Variants in FGF14 observed in about 807,000 individuals in gnomAD.
FGF14 encodes the protein fibroblast growth factor 14.
A neutral mutation model predicts 25.5 loss-of-function variants in FGF14; 5 were observed. The ratio of observed to expected loss-of-function variants is 0.20; its 90% CI spans 0.10 to 0.41. The LOEUF is 0.41. Among genes scored for constraint, FGF14 ranks in the 10% least tolerant of loss-of-function variants. The pLI, the probability that FGF14 is intolerant of heterozygous loss-of-function variation, is 1.00. For synonymous variants in FGF14, 138 were observed against 118.3 expected, an observed-to-expected ratio of 1.17 and a Z score of -1.08; for missense variants, 222 against 320.1, an observed-to-expected ratio of 0.69 and a Z score of 2.34.
rs534055297 is a variant in FGF14, at chr13:102,159,997, T to G, written c.208+241474A>C. Among the ~76,000 whole-genome samples, 22 of 152,266 alleles carry G rather than the reference T, an allele frequency of 1.4e-4. No homozygotes were observed. The South Asian group carries it at 4.6e-3, about 32-fold the overall frequency. On this transcript the variant is annotated intron_variant, in intron 1 of 4. Transcript: ENST00000376131. ...GGGTAGAATATTTCATTGTGAAAAC[T>G]TAGTATAGGTCCATTTACAGCTTCA...
At chr13:101,992,867 G>A (rs2038980353) in intron 1 of FGF14, among the ~76,000 whole-genome samples, 1 of 151,810 alleles carries the variant, frequency 6.6e-6, no homozygotes, top group Non-Finnish European at 1.5e-5. Flanking sequence ...ACACATTTTT[G>A]GAATAGCAAA....
At chr13:101,749,407 A>C (rs1161931530) in intron 3 of FGF14, among the ~76,000 whole-genome samples, 1 of 152,132 alleles carries the variant, frequency 6.6e-6, no homozygotes, top group Non-Finnish European at 1.5e-5. Flanking sequence ...ACAACAATAA[A>C]AGTCAATCCC....
At chr13:101,811,872 T>A (rs986432188) in intron 3 of FGF14, among the ~76,000 whole-genome samples, 6 of 152,204 alleles carry the variant, frequency 3.9e-5, no homozygotes, top group Admixed American at 3.3e-4. Context: ...AGGAAAGGAC[T>A]AGCCTAAATA....
At chr13:102,340,975 C>T (rs1027906360) in intron 1 of FGF14, among the ~76,000 whole-genome samples, 4 of 151,962 alleles carry the variant, frequency 2.6e-5, no homozygotes, top group Admixed American at 2.0e-4. Flanking sequence ...CACTTGTTGC[C>T]GGTGTAATTA....
intron 1 of FGF14, among the ~76,000 whole-genome samples, chr13:101,998,087 C>G (rs765615756): frequency 1.3e-5 from 2 of 151,902 alleles, no homozygotes; most frequent in Non-Finnish European, 2.9e-5. Flanking sequence ...TTTTGATTTG[C>G]TAATTGGGTT....
At chr13:101,994,474 T>C (rs188579341) in intron 1 of FGF14, among the ~76,000 whole-genome samples, 1 of 152,138 alleles carries the variant, frequency 6.6e-6, no homozygotes, top group East Asian at 1.9e-4. Flanking sequence ...TCTTCAAATT[T>C]ACAAATAACA....
intron 3 of FGF14, among the ~76,000 whole-genome samples, chr13:101,861,908 A>C (rs549656302): frequency 6.6e-6 from 1 of 152,154 alleles, no homozygotes; most frequent in South Asian, 2.1e-4. Flanking sequence ...CACCAGTGAA[A>C]TCCTCTGGAA....
intron 1 of FGF14, among the ~76,000 whole-genome samples, chr13:101,952,625 C>T (rs2036244384): frequency 6.6e-6 from 1 of 152,042 alleles, no homozygotes; most frequent in Non-Finnish European, 1.5e-5. Context: ...TTTTCCCTGA[C>T]ATGGCAAAGA....
chr13:101,882,091 GTATTA>G (rs2045740798), intron 1 of FGF14, among the ~76,000 whole-genome samples: 1 of 151,726 alleles, frequency 6.6e-6, no homozygotes, highest in African/African-American at 2.4e-5. Context: ...TGTAGATACA[GTATTA>G]TGTTAAATTT....
intron 1 of FGF14, among the ~76,000 whole-genome samples, chr13:102,118,606 T>C (rs2045579094): frequency 1.3e-5 from 2 of 152,114 alleles, no homozygotes; most frequent in African/African-American, 4.8e-5. Context: ...GAATAACTCA[T>C]GAATGAACTT....
intron 3 of FGF14, among the ~76,000 whole-genome samples, chr13:101,784,901 T>C (rs1005668044): frequency 1.3e-5 from 2 of 152,192 alleles, no homozygotes; most frequent in Non-Finnish European, 2.9e-5. Context: ...TATCAGATGC[T>C]AAGGTGGCTT....
At chr13:102,084,514 C>T (rs2043796756) in intron 1 of FGF14, among the ~76,000 whole-genome samples, 1 of 152,014 alleles carries the variant, frequency 6.6e-6, no homozygotes, top group Non-Finnish European at 1.5e-5. Flanking sequence ...AGGGAGAAAC[C>T]TTGTGTGAAC....
chr13:102,094,926 T>C (rs60144527), intron 1 of FGF14, among the ~76,000 whole-genome samples: 11,985 of 152,108 alleles, frequency 0.079, 1,565 homozygotes, highest in African/African-American at 0.27. Context: ...ATTCAGCCTT[T>C]AAGTCAGGGG....
rs1004300384 is a variant in FGF14, at chr13:101,901,522, G to A, written c.193+14931C>T. Among the ~76,000 whole-genome samples the A allele has an allele frequency of 5.9e-5, 9 of 152,090 alleles. No individual in the cohort carries two copies. The South Asian group carries it at 6.2e-4, about 11-fold the overall frequency. ...AGTTCAAGACCAGCCTGGACAACAT[G>A]GTGAAACTCTGTCTGTACTAAAAAT... On this transcript the variant is annotated intron_variant, in intron 1 of 4. Transcript: ENST00000376143.
At chr13:102,317,859 T>G (rs1431722735) in intron 1 of FGF14, among the ~76,000 whole-genome samples, 1 of 152,192 alleles carries the variant, frequency 6.6e-6, no homozygotes, top group Non-Finnish European at 1.5e-5. Flanking sequence ...TTTGACCATG[T>G]GGAAACCTTT....
chr13:102,128,078 G>A (rs2046023680), intron 1 of FGF14, among the ~76,000 whole-genome samples: 1 of 151,192 alleles, frequency 6.6e-6, no homozygotes, highest in African/African-American at 2.4e-5. Context: ...TCATAATGCG[G>A]TCTTCACTCC....
chr13:102,371,950 C>T (rs546521210), intron 1 of FGF14, among the ~76,000 whole-genome samples: 3 of 152,164 alleles, frequency 2.0e-5, no homozygotes, highest in African/African-American at 7.2e-5. Flanking sequence ...TTTAATATGC[C>T]TTAAGTATGT....
At chr13:102,083,011 C>G (rs1045022849) in intron 1 of FGF14, among the ~76,000 whole-genome samples, 2 of 152,186 alleles carry the variant, frequency 1.3e-5, no homozygotes, top group Admixed American at 1.3e-4. Flanking sequence ...TTGAATGAAC[C>G]AATTTTTCTA....
At chr13:102,348,517 C>G (rs1308323162) in intron 1 of FGF14, among the ~76,000 whole-genome samples, 1 of 152,090 alleles carries the variant, frequency 6.6e-6, no homozygotes, top group East Asian at 1.9e-4. Context: ...ACAGAAGCAG[C>G]CAACATAAGA....
Sources: allele counts gnomAD v4.1 joint callset (sites outside exome capture counted in the v4.1 genomes callset), GRCh38; gene constraint gnomAD v4.1.1; transcripts MANE v1.5; gene names NCBI Gene and HGNC (gene_info 2026-07-23, HGNC 2026-07-21).